The following SNTG1 variants were observed in gnomAD, a reference collection of about 807,000 sequenced individuals.
SNTG1 encodes gamma-1-syntrophin.
Under a neutral mutation model 74.7 loss-of-function variants are expected in SNTG1, and 39 were observed. That is an observed-to-expected ratio of 0.52 (90% CI 0.40 to 0.68). The LOEUF (loss-of-function observed/expected upper bound fraction) is 0.68, where lower values mean the gene tolerates loss of function less well. Ranked by LOEUF, SNTG1 falls within the 30% of genes least tolerant of loss-of-function variation. SNTG1 has a pLI of 0.00. For missense variants in SNTG1, 685 were observed against 609.5 expected (o/e 1.12, Z -1.30); for synonymous variants, 254 against 217.1 (o/e 1.17, Z -1.49).
At chr8:50,195,292 AC>A (rs2083723254) in intron 2 of SNTG1, among the ~76,000 whole-genome samples, 2 of 151,712 alleles carry the variant, frequency 1.3e-5, no homozygotes, top group African/African-American at 4.8e-5. Context: ...TCCCACCGTG[AC>A]CCCCACAAGA....
At chr8:50,701,643 CTCCTCTTTTTCT>C in intron 15 of SNTG1, among the ~76,000 whole-genome samples, 1 of 96,374 alleles carries the variant, frequency 1.0e-5, no homozygotes, top group East Asian at 3.1e-4. Flanking sequence ...CTTCTTCTTC[CTCCTCTTTTTCT>C]TCCTCTTCTT....
rs543166794 is a variant in SNTG1, at chr8:50,508,606, G to A, written c.466+5726G>A. On this transcript the variant is annotated intron_variant, in intron 9 of 18. Transcript: ENST00000642720. Reference sequence around the variant, plus strand: ...GTTGTTTCCTGACTTTTTAATGATCGCCATTCTAACTGGTGTGAGATGGTA... The same window carrying A: ...GTTGTTTCCTGACTTTTTAATGATCACCATTCTAACTGGTGTGAGATGGTA... Among the ~76,000 whole-genome samples the A allele has an allele frequency of 3.8e-3, 572 of 152,144 alleles. 5 individuals are homozygous for A. Among genetic ancestry groups the A allele is most frequent in the Non-Finnish European group, 6.6e-3 (447 of 67,984 alleles).
intron 2 of SNTG1, among the ~76,000 whole-genome samples, chr8:50,348,771 C>G (rs1173891671): frequency 6.6e-6 from 1 of 152,180 alleles, no homozygotes; most frequent in Non-Finnish European, 1.5e-5. Flanking sequence ...GATTTTTCCC[C>G]TTCTAGGGAA....
At chr8:49,935,131 G>A (rs530594939) in intron 1 of SNTG1, among the ~76,000 whole-genome samples, 3 of 151,524 alleles carry the variant, frequency 2.0e-5, no homozygotes, top group South Asian at 2.1e-4. Flanking sequence ...TTGAAAGTAT[G>A]AATTTAAGAA....
chr8:50,751,822 G>T (rs905987518), intron 17 of SNTG1, among the ~76,000 whole-genome samples, 179 bp from the exon 18 acceptor site: 1 of 151,898 alleles, frequency 6.6e-6, no homozygotes, highest in Non-Finnish European at 1.5e-5. Flanking sequence ...AAAATTAAAT[G>T]ATAATATTGA....
intron 2 of SNTG1, among the ~76,000 whole-genome samples, chr8:50,329,664 C>T (rs915353433): frequency 1.3e-5 from 2 of 152,060 alleles, no homozygotes; most frequent in African/African-American, 4.8e-5. Context: ...CATTTTTCCT[C>T]CTAGACTTCC....
rs538752845 is a variant in SNTG1 at position 50,153,196 on chromosome 8, T to A, written c.-102-19365T>A. Among the ~76,000 whole-genome samples, 164 of 152,354 alleles carry A rather than the reference T, an allele frequency of 1.1e-3. 3 individuals carry two copies. The South Asian group carries it at 0.033, about 31-fold the overall frequency. On this transcript the variant is annotated intron_variant, in intron 1 of 18. Transcript: ENST00000642720. ...ATACCCTTTCTTCCACTTGATCGAA[T>A]TGGCTACTGAAGCTTGTGCATGCAT...
chr8:49,960,306 G>T (rs962064089), intron 1 of SNTG1, among the ~76,000 whole-genome samples: 9 of 152,058 alleles, frequency 5.9e-5, no homozygotes, highest in African/African-American at 1.7e-4. Flanking sequence ...TGTTAACATT[G>T]AATATTTTGG....
rs527784278 is a variant in SNTG1, at chr8:49,963,422, C to G, written c.-103+51191C>G. 7.2e-5 allele frequency among the ~76,000 whole-genome samples: 11 copies of G among 152,274 alleles called. No homozygotes were observed. In the East Asian group the frequency reaches 1.5e-3, roughly 21 times the overall value. ...GCTTTCAATGTTCATTTTCATACTG[C>G]TGTTTCACAATTTTATTTTCTTTTT... On this transcript the variant is annotated intron_variant, in intron 1 of 18. Transcript: ENST00000642720.
intron 1 of SNTG1, among the ~76,000 whole-genome samples, chr8:50,138,253 T>C (rs1208647411): frequency 6.6e-6 from 1 of 151,958 alleles, no homozygotes; most frequent in Non-Finnish European, 1.5e-5. Context: ...ACTGAAAATG[T>C]CTGTTCAGAA....
At chr8:50,371,960 G>T (rs2092279255) in intron 2 of SNTG1, among the ~76,000 whole-genome samples, 1 of 151,988 alleles carries the variant, frequency 6.6e-6, no homozygotes, top group Non-Finnish European at 1.5e-5. Flanking sequence ...GTTGGATCTT[G>T]TTTTTTAATC....
intron 8 of SNTG1, among the ~76,000 whole-genome samples, chr8:50,466,169 T>C (rs751876204): frequency 1.2e-4 from 19 of 152,116 alleles, no homozygotes; most frequent in Non-Finnish European, 2.4e-4. Flanking sequence ...TAGAATTTTA[T>C]AGTATTGCAT....
chr8:50,506,965 T>G (rs1346679052), intron 9 of SNTG1, among the ~76,000 whole-genome samples: 2 of 152,088 alleles, frequency 1.3e-5, no homozygotes, highest in Non-Finnish European at 2.9e-5. Flanking sequence ...ATGAATGACC[T>G]TTATTATGTA....
At chr8:50,221,552 A>C (rs1563760185) in intron 2 of SNTG1, among the ~76,000 whole-genome samples, 3 of 141,214 alleles carry the variant, frequency 2.1e-5, no homozygotes, top group East Asian at 2.0e-4. Context: ...CACACACACA[A>C]GACTGACAGA....
At chr8:50,551,620 T>A (rs1367212426) in intron 11 of SNTG1, among the ~76,000 whole-genome samples, 1 of 152,206 alleles carries the variant, frequency 6.6e-6, no homozygotes, top group African/African-American at 2.4e-5. Context: ...CTTGCCATTA[T>A]ACATCAGAAT....
chr8:50,304,907 C>A (rs2089814811), intron 2 of SNTG1, among the ~76,000 whole-genome samples: 1 of 151,514 alleles, frequency 6.6e-6, no homozygotes, highest in East Asian at 1.9e-4. Context: ...TTTTTTATTT[C>A]TTTTGTTTTT....
chr8:50,646,620 A>G (rs906164165), intron 13 of SNTG1, among the ~76,000 whole-genome samples: 2 of 152,182 alleles, frequency 1.3e-5, no homozygotes, highest in Non-Finnish European at 2.9e-5. Context: ...CTTCTTATAA[A>G]ACACCTGAAA....
chr8:50,429,667 C>T (rs2093209325), intron 4 of SNTG1, among the ~76,000 whole-genome samples: 1 of 151,984 alleles, frequency 6.6e-6, no homozygotes. Context: ...AACTTTTGTG[C>T]TTCAAATAAC....
intron 18 of SNTG1, among the ~76,000 whole-genome samples, chr8:50,778,280 T>C (rs998048828): frequency 6.6e-6 from 1 of 152,232 alleles, no homozygotes; most frequent in Non-Finnish European, 1.5e-5. Context: ...ATCGCCACAC[T>C]GACTTCCACA....
Sources: allele counts gnomAD v4.1 joint callset (sites outside exome capture counted in the v4.1 genomes callset), GRCh38; gene constraint gnomAD v4.1.1; transcripts MANE v1.5; gene names NCBI Gene and HGNC (gene_info 2026-07-23, HGNC 2026-07-21).